Variants in FGG observed in about 807,000 individuals in gnomAD.
The protein encoded by FGG is fibrinogen gamma chain.
Under a neutral mutation model 51.7 loss-of-function variants are expected in FGG, and 20 were observed. The ratio of observed to expected loss-of-function variants is 0.39; its 90% CI spans 0.27 to 0.56. The LOEUF (loss-of-function observed/expected upper bound fraction) is 0.56. Ranked by LOEUF, FGG falls within the 20% of genes least tolerant of loss-of-function variation. The probability of loss-of-function intolerance (pLI) is 0.64; values close to 1 mark genes in which losing one functional copy is unlikely to be tolerated. For missense variants in FGG, 460 were observed against 534.2 expected, an observed-to-expected ratio of 0.86 and a Z score of 1.37; for synonymous variants, 184 against 184.7, an observed-to-expected ratio of 1.00 and a Z score of 0.03.
intron 5 of FGG, 29 bp downstream of exon 5, chr4:154,610,038 C>T: frequency 6.2e-7 from 1 of 1,613,056 alleles, no homozygotes; most frequent in Non-Finnish European, 8.5e-7. Flanking sequence ...TTTGATGAAC[C>T]TAATCCCAAT....
chr4:154,611,591 T>C, intron 4 of FGG: 1 of 453,232 alleles, frequency 2.2e-6, no homozygotes, highest in South Asian at 4.1e-5. Flanking sequence ...AGAACATCTT[T>C]CTTCAATGTG....
Position 154,604,307 on chromosome 4 carries a change from T to G in FGG, c.*527A>C. The G allele has an allele frequency of 6.7e-7, 1 of 1,502,746 alleles. No individual in the cohort carries two copies. Among genetic ancestry groups the G allele is most frequent in the Non-Finnish European group, 8.9e-7 (1 of 1,122,782 alleles). The allele number at this position is 1,502,746 out of a possible 1,614,324, so 93.1% of individuals were successfully genotyped here. On this transcript the variant is annotated 3_prime_UTR_variant, in exon 9 of 9. Coordinates refer to ENST00000336098, the MANE Select transcript of FGG (RefSeq NM_021870.3). Reference sequence around the variant, plus strand: ...ATATCTCTCTGTTCAGATAAAGTCCTTTAAAAAAGTAAATCTCTTTTGAAA... The same window carrying G: ...ATATCTCTCTGTTCAGATAAAGTCCGTTAAAAAAGTAAATCTCTTTTGAAA...
At chr4:154,609,128 T>C (rs976230947) in intron 6 of FGG, among the ~76,000 whole-genome samples, 1 of 150,144 alleles carries the variant, frequency 6.7e-6, no homozygotes, top group Non-Finnish European at 1.5e-5. Context: ...TATCAGCAAG[T>C]GGCAGATGCA....
At chr4:154,610,003 A>T (rs1054904041) in intron 5 of FGG, 64 bp downstream of exon 5, 5 of 1,602,974 alleles carry the variant, frequency 3.1e-6, no homozygotes, top group Middle Eastern at 1.7e-4. Context: ...TTTCCAGTAC[A>T]TACTTTCTCC....
chr4:154,608,400 A>G (rs1731138417), intron 7 of FGG, 66 bp downstream of exon 7: 2 of 1,460,078 alleles, frequency 1.4e-6, no homozygotes, highest in Non-Finnish European at 1.9e-6. Flanking sequence ...GTCTATTGAT[A>G]GTTGGAAAGT....
rs148688900 is a variant in FGG at position 154,609,666 on chromosome 4, G to A, written c.630C>T (p.Ile210=). Residue 210 remains isoleucine, a synonymous_variant, in exon 6 of 9, where the codon ATC becomes ATT. Transcript: ENST00000336098. ...CAGTCCATCCATTTCCAGACCCATC[G>A]ATTTCACAGTAGACTAAGAATTGCT... The part of the protein sequence containing the change: ...ANQQFLVYCE[I]DGSGNGWTVF... 3.1e-6 allele frequency: 5 copies of A among 1,613,900 alleles called. No homozygotes were observed. The highest frequency in any genetic ancestry group is 2.2e-5 in the East Asian group (1 of 44,848).
At position 154,609,700 on chromosome 4, in the gene FGG, T is replaced by C; in HGVS notation, c.596A>G (p.Lys199Arg). 6.2e-7 allele frequency: 1 copy of C among 1,613,998 alleles called. No homozygotes were observed. Among genetic ancestry groups the C allele is most frequent in the Non-Finnish European group, 8.5e-7 (1 of 1,179,918 alleles). The change falls in exon 6 of 9, where the codon AAA (lysine) becomes AGA (arginine). Residue 199 changes from lysine to arginine, a missense_variant. Physicochemically the swap from Lys to Arg is conservative, Grantham distance 26. Coordinates refer to ENST00000336098, the MANE Select transcript of FGG (RefSeq NM_021870.3). ...GTAGACTAAGAATTGCTGGTTAGCT[T>C]TCAGAGGTTTAATAAAGTAAAGCCC... ...QSGLYFIKPLKANQQFLVYCE... is the reference protein window; with the variant it reads ...QSGLYFIKPLRANQQFLVYCE...
chr4:154,611,721 T>C (rs1560836638), intron 4 of FGG, 84 bp downstream of exon 4: 3 of 914,838 alleles, frequency 3.3e-6, no homozygotes, highest in Non-Finnish European at 5.1e-6. Flanking sequence ...GGAAAACACA[T>C]TAAAAATTAC....
At chr4:154,607,043 C>T (rs1731113160) in intron 7 of FGG, 61 bp from the exon 8 acceptor site, 1 of 1,496,924 alleles carries the variant, frequency 6.7e-7, no homozygotes, top group African/African-American at 1.4e-5. Context: ...CAGAAGTTCC[C>T]TCTTTCGTAG....
Position 154,608,624 on chromosome 4 carries a change from C to T in FGG, c.693G>A (p.Lys231=). ...CTTCTTTATATTGAATCCAGTTTTT[C>T]TTGAAATCTACACTGCCATCAAGTC... is the stretch of plus-strand genomic sequence containing the variant. ...QKRLDGSVDF[K]KNWIQYKEGF... The change falls in exon 7 of 9, where the codon AAG becomes AAA. Residue 231 remains lysine, a synonymous_variant. Transcript: ENST00000336098. The T allele has an allele frequency of 1.2e-6, 2 of 1,610,524 alleles. No homozygotes were observed. Among genetic ancestry groups the T allele is most frequent in the Non-Finnish European group, 1.7e-6 (2 of 1,178,958 alleles).
chr4:154,609,766 A>G lies in FGG; in HGVS notation c.533-3T>C, dbSNP rs375599103. ...CTTATTGGCAATGTCTTGACAATCT[A>G]GAGAAGGAGAATCGACTTTTACTGT... On this transcript the variant is annotated splice_polypyrimidine_tract_variant and splice_region_variant and intron_variant, in intron 5 of 8. Transcript: ENST00000336098. The G allele has an allele frequency of 9.3e-6, 15 of 1,613,918 alleles. No homozygotes were observed. The highest frequency in any genetic ancestry group is 1.3e-5 in the Non-Finnish European group (15 of 1,179,934).
At chr4:154,608,896 C>A (rs1437336409) in intron 6 of FGG, among the ~76,000 whole-genome samples, 2 of 152,170 alleles carry the variant, frequency 1.3e-5, no homozygotes, top group African/African-American at 4.8e-5. Context: ...TCTGGCACAT[C>A]ATAAATTCTA....
chr4:154,604,445 A>G lies in FGG; in HGVS notation c.*389T>C. 1 of 1,198,154 alleles carries G rather than the reference A, an allele frequency of 8.3e-7. No individual in the cohort carries two copies. Among genetic ancestry groups the G allele is most frequent in the Non-Finnish European group, 1.1e-6 (1 of 879,144 alleles). The allele number at this position is 1,198,154 out of a possible 1,614,324, so 74.2% of individuals were successfully genotyped here. On this transcript the variant is annotated 3_prime_UTR_variant, in exon 9 of 9. Transcript: ENST00000336098. The stretch of plus-strand genomic sequence containing the variant: ...AATTAAATAGGAATGATTTAGGGGT[A>G]ATAAACAAGGAAAATACCTGGGAAT...
At chr4:154,606,653 G>C in intron 8 of FGG, 52 bp downstream of exon 8, 1 of 1,536,996 alleles carries the variant, frequency 6.5e-7, no homozygotes, top group Non-Finnish European at 8.9e-7. Flanking sequence ...TATTTTTTAT[G>C]AAAATAGTAT....
rs761331562 is a variant in FGG, at chr4:154,604,961, A to G, written c.1235T>C (p.Ile412Thr). 2 of 1,614,038 alleles carry G rather than the reference A, an allele frequency of 1.2e-6. No homozygotes were observed. Among genetic ancestry groups the G allele is most frequent in the Non-Finnish European group, 8.5e-7 (1 of 1,179,980 alleles). ...AATTGTGAGTCTGTTGAATGGGATT[A>G]TCTTCATAGTGGTTTTCTTCATGGA... ...WYSMKKTTMK[I>T]IPFNRLTIGE... The change falls in exon 9 of 9, where the codon ATA (isoleucine) becomes ACA (threonine). Residue 412 changes from isoleucine to threonine, a missense_variant. Physicochemically the swap from Ile to Thr is moderately conservative, Grantham distance 89. Coordinates refer to ENST00000336098, the MANE Select transcript of FGG (RefSeq NM_021870.3).
chr4:154,608,362 T>C, intron 7 of FGG, 104 bp downstream of exon 7: 1 of 1,153,986 alleles, frequency 8.7e-7, no homozygotes, highest in Non-Finnish European at 1.3e-6. Context: ...GATGTGCTGT[T>C]TGCATTTGTC....
Position 154,608,485 on chromosome 4 carries a change from C to T in FGG, c.832G>A (p.Asp278Asn). 6 of 1,613,566 alleles carry T rather than the reference C, an allele frequency of 3.7e-6. No individual in the cohort carries two copies. The highest frequency in any genetic ancestry group is 5.1e-6 in the Non-Finnish European group (6 of 1,179,758). The change falls in exon 7 of 9, where the codon GAC (aspartate) becomes AAC (asparagine). Residue 278 changes from aspartate to asparagine, a missense_variant. Asp to Asn is a conservative substitution (Grantham distance 23, BLOSUM62 1). Transcript: ENST00000336098. Reference sequence around the variant, plus strand: ...CAGTACCTGGTTCTGCCATTCCAGTCTTCCAGTTCCACTCTTAATGCATAT... The same window carrying T: ...CAGTACCTGGTTCTGCCATTCCAGTTTTCCAGTTCCACTCTTAATGCATAT... ...IPYALRVELE[D>N]WNGRTSTADY...
intron 4 of FGG, among the ~76,000 whole-genome samples, chr4:154,610,981 C>T (rs1034976742): frequency 2.0e-5 from 3 of 152,070 alleles, no homozygotes; most frequent in Non-Finnish European, 4.4e-5. Flanking sequence ...TTTCCCTCTA[C>T]CTTGTCTTAG....
At chr4:154,609,263 T>C (rs1731157250) in intron 6 of FGG, among the ~76,000 whole-genome samples, 1 of 152,132 alleles carries the variant, frequency 6.6e-6, no homozygotes, top group Non-Finnish European at 1.5e-5. Context: ...ACCTCAGGTC[T>C]TGACCTACCT....
Sources: gnomAD v4.1 joint callset for allele counts (sites outside exome capture counted in the v4.1 genomes callset) on GRCh38, gnomAD v4.1.1 for gene constraint, MANE v1.5 for transcripts, NCBI Gene and HGNC (gene_info 2026-07-23, HGNC 2026-07-21) for gene names.